PTPRD: variants seen among roughly 807,000 people sequenced by gnomAD.
PTPRD encodes protein tyrosine phosphatase receptor type D.
A neutral mutation model predicts 214.5 loss-of-function variants in PTPRD; 34 were observed. The ratio of observed to expected loss-of-function variants is 0.16; its 90% CI spans 0.12 to 0.21. The LOEUF is 0.21. Ranked by LOEUF, PTPRD falls within the 10% of genes least tolerant of loss-of-function variation. The pLI is 1.00. For missense variants in PTPRD, 2,545 were observed against 2,398.7 expected (o/e 1.06, Z -1.27); for synonymous variants, 1,128 against 845.7 (o/e 1.33, Z -5.79).
chr9:10,484,524 T>C (rs1229173388), intron 2 of PTPRD, among the ~76,000 whole-genome samples: 1 of 152,132 alleles, frequency 6.6e-6, no homozygotes, highest in Non-Finnish European at 1.5e-5. Flanking sequence ...GGGTTCTCTT[T>C]TCTCCATATC....
chr9:9,261,480 A>G (rs1447015811), intron 9 of PTPRD, among the ~76,000 whole-genome samples: 1 of 151,904 alleles, frequency 6.6e-6, no homozygotes. Flanking sequence ...AATAAAAATG[A>G]ACACTTTATC....
At chr9:9,854,984 T>C (rs183051994) in intron 5 of PTPRD, among the ~76,000 whole-genome samples, 1 of 152,270 alleles carries the variant, frequency 6.6e-6, no homozygotes, top group East Asian at 1.9e-4. Context: ...CATTATTTTG[T>C]CAAATGGCCA....
At chr9:10,225,165 A>T (rs536473111) in intron 3 of PTPRD, among the ~76,000 whole-genome samples, 1 of 152,098 alleles carries the variant, frequency 6.6e-6, no homozygotes, top group Non-Finnish European at 1.5e-5. Context: ...TTTTATTATC[A>T]AAAGAGATGA....
intron 9 of PTPRD, among the ~76,000 whole-genome samples, chr9:9,335,959 T>A (rs954330897): frequency 1.3e-5 from 2 of 151,738 alleles, no homozygotes; most frequent in Non-Finnish European, 2.9e-5. Flanking sequence ...TAAACTTGGA[T>A]AAAATAACTT....
rs541480285 is a variant in PTPRD at position 9,548,307 on chromosome 9, T to C, written c.-237+26425A>G. The stretch of plus-strand genomic sequence containing the variant: ...CACAATTGCATTAAAGAAAAGAGAC[T>C]AAAAATGTAAGCTAATCATTCAATT... On this transcript the variant is annotated intron_variant, in intron 8 of 45. Coordinates refer to ENST00000381196, the MANE Select transcript of PTPRD (RefSeq NM_002839.4). Among the ~76,000 whole-genome samples the C allele has an allele frequency of 4.0e-5, 6 of 151,618 alleles. No homozygotes were observed. In the South Asian group the frequency reaches 1.0e-3, roughly 26 times the overall value.
intron 7 of PTPRD, among the ~76,000 whole-genome samples, chr9:9,676,848 G>C (rs1008927189): frequency 5.3e-5 from 8 of 152,076 alleles, no homozygotes; most frequent in African/African-American, 1.9e-4. Flanking sequence ...TCTCATTGTG[G>C]TTTTGATTTG....
intron 14 of PTPRD, among the ~76,000 whole-genome samples, chr9:8,574,864 G>C (rs183788748): frequency 3.9e-5 from 6 of 151,990 alleles, no homozygotes; most frequent in Admixed American, 2.6e-4. Context: ...TTCATAAGCA[G>C]TCACAAATGT....
At chr9:9,559,037 G>A (rs770374217) in intron 8 of PTPRD, among the ~76,000 whole-genome samples, 7 of 152,214 alleles carry the variant, frequency 4.6e-5, no homozygotes, top group Non-Finnish European at 8.8e-5. Flanking sequence ...TCCAGTCCGG[G>A]GGGGTAGCTA....
At chr9:9,779,078 C>CCAAAAAAA (rs1282567404) in intron 5 of PTPRD, among the ~76,000 whole-genome samples, 1 of 45,484 alleles carries the variant, frequency 2.2e-5, no homozygotes, top group Non-Finnish European at 4.0e-5. Flanking sequence ...ATAAGACTGA[C>CCAAAAAAA]AAAAAAAAAA....
chr9:10,514,568 C>T (rs2049370925), intron 2 of PTPRD, among the ~76,000 whole-genome samples: 1 of 151,650 alleles, frequency 6.6e-6, no homozygotes, highest in Admixed American at 6.6e-5. Context: ...CCAAATTGCA[C>T]TTATTTTTTC....
intron 2 of PTPRD, among the ~76,000 whole-genome samples, chr9:10,390,927 A>T (rs1361573709): frequency 6.6e-6 from 1 of 151,850 alleles, no homozygotes; most frequent in Non-Finnish European, 1.5e-5. Context: ...GTCCACTACC[A>T]ACATCTGTCA....
At chr9:10,230,217 A>G (rs1359206192) in intron 3 of PTPRD, among the ~76,000 whole-genome samples, 1 of 152,052 alleles carries the variant, frequency 6.6e-6, no homozygotes, top group Non-Finnish European at 1.5e-5. Context: ...CTTGGAAGGA[A>G]TCAATCCTAC....
chr9:9,594,524 T>C (rs2093086090), intron 7 of PTPRD, among the ~76,000 whole-genome samples: 1 of 152,184 alleles, frequency 6.6e-6, no homozygotes, highest in Non-Finnish European at 1.5e-5. Context: ...ATTTGTTGAA[T>C]AGGGTGTCCT....
At chr9:9,265,659 A>G (rs1324861697) in intron 9 of PTPRD, among the ~76,000 whole-genome samples, 1 of 151,542 alleles carries the variant, frequency 6.6e-6, no homozygotes, top group African/African-American at 2.4e-5. Context: ...GATCGGTCTA[A>G]TCCTATTTTT....
At chr9:8,974,656 C>A (rs1398296266) in intron 11 of PTPRD, among the ~76,000 whole-genome samples, 2 of 152,012 alleles carry the variant, frequency 1.3e-5, no homozygotes, top group Admixed American at 6.6e-5. Flanking sequence ...GTTTATTAAT[C>A]CTCTTTAAGC....
intron 9 of PTPRD, among the ~76,000 whole-genome samples, chr9:9,311,054 A>C (rs2135467096): frequency 6.6e-6 from 1 of 152,214 alleles, no homozygotes; most frequent in African/African-American, 2.4e-5. Context: ...TAATATGAGT[A>C]CTGCAATTCA....
intron 11 of PTPRD, among the ~76,000 whole-genome samples, chr9:9,011,388 G>A (rs138311432): frequency 2.0e-5 from 3 of 152,068 alleles, no homozygotes; most frequent in African/African-American, 7.2e-5. Flanking sequence ...TAAATATATG[G>A]TAAAATACAT....
chr9:9,306,043 T>C (rs1957025216), intron 9 of PTPRD, among the ~76,000 whole-genome samples: 1 of 152,146 alleles, frequency 6.6e-6, no homozygotes, highest in South Asian at 2.1e-4. Context: ...ATACCAGTCA[T>C]AACACCAGTA....
intron 8 of PTPRD, among the ~76,000 whole-genome samples, chr9:9,490,130 T>C (rs949313545): frequency 6.6e-6 from 1 of 152,028 alleles, no homozygotes; most frequent in East Asian, 1.9e-4. Context: ...AGAAAGCAAT[T>C]GCCAAACAAG....
Sources: gnomAD v4.1 joint callset for allele counts (sites outside exome capture counted in the v4.1 genomes callset) on GRCh38, gnomAD v4.1.1 for gene constraint, MANE v1.5 for transcripts, NCBI Gene and HGNC (gene_info 2026-07-23, HGNC 2026-07-21) for gene names.